SAMD3: variants seen among roughly 807,000 people sequenced by gnomAD.
The protein encoded by SAMD3 is sterile alpha motif domain containing 3, also known as sterile alpha motif domain-containing protein 3.
A neutral mutation model predicts 58.5 loss-of-function variants in SAMD3; 63 were observed. The observed-to-expected ratio is 1.08, with a 90% CI of 0.88 to 1.33. The LOEUF is 1.33. Among genes scored for constraint, SAMD3 ranks in the 40% most tolerant of loss-of-function variants. SAMD3 has a pLI of 0.00. For synonymous variants in SAMD3, 220 were observed against 210.3 expected, an observed-to-expected ratio of 1.05 and a Z score of -0.40; for missense variants, 604 against 608.4, an observed-to-expected ratio of 0.99 and a Z score of 0.08.
At chr6:130,331,731 A>G (rs1776941339) in intron 1 of SAMD3, among the ~76,000 whole-genome samples, 1 of 152,228 alleles carries the variant, frequency 6.6e-6, no homozygotes. Context: ...AAAAAATAAA[A>G]AAGTTCATAA....
At chr6:130,159,791 A>G (rs997887439) in intron 8 of SAMD3, 1 of 152,208 alleles carries the variant, frequency 6.6e-6, no homozygotes, top group Non-Finnish European at 1.5e-5. Flanking sequence ...GATTTTTACA[A>G]GTAAATTGAA....
chr6:130,341,917 C>A (rs1975952), intron 1 of SAMD3, among the ~76,000 whole-genome samples: 20,019 of 152,166 alleles, frequency 0.13, 1,696 homozygotes, highest in East Asian at 0.36. Context: ...ATAAAATATT[C>A]TTTTTATTCC....
At chr6:130,257,995 G>T (rs187399599) in intron 2 of SAMD3, among the ~76,000 whole-genome samples, 2 of 151,962 alleles carry the variant, frequency 1.3e-5, no homozygotes, top group African/African-American at 4.8e-5. Context: ...GTTTGTTCAT[G>T]TTCATACAAT....
upstream of SAMD3, among the ~76,000 whole-genome samples, chr6:130,224,767 T>C (rs1018335994): frequency 6.6e-6 from 1 of 151,904 alleles, no homozygotes; most frequent in African/African-American, 2.4e-5. Context: ...TACAGGCACG[T>C]GCCACCACGC....
At chr6:130,204,584 G>A (rs11154533) in intron 5 of SAMD3, among the ~76,000 whole-genome samples, 31,984 of 139,632 alleles carry the variant, frequency 0.23, 4,215 homozygotes, top group East Asian at 0.44. Context: ...GTGACAGAAC[G>A]AGACCCTATC....
chr6:130,351,258 G>T (rs947791171), intron 1 of SAMD3, among the ~76,000 whole-genome samples: 1 of 152,160 alleles, frequency 6.6e-6, no homozygotes. Flanking sequence ...CTTCTGCACA[G>T]CAAAAGAAAC....
intron 2 of SAMD3, among the ~76,000 whole-genome samples, chr6:130,301,434 G>A (rs1775744047): frequency 6.6e-6 from 1 of 152,032 alleles, no homozygotes; most frequent in African/African-American, 2.4e-5. Context: ...ATCACCGATG[G>A]CGCAAACAAA....
chr6:130,291,692 T>A (rs1775367250), intron 2 of SAMD3, among the ~76,000 whole-genome samples: 1 of 152,252 alleles, frequency 6.6e-6, no homozygotes, highest in Non-Finnish European at 1.5e-5. Context: ...ATCATGTGAT[T>A]TTTATCATTT....
At position 130,209,019 on chromosome 6, in the gene SAMD3, G is replaced by A. The variant is rs140934611; in HGVS notation, c.383+476C>T. On this transcript the variant is annotated intron_variant, in intron 5 of 11. Coordinates refer to ENST00000439090, the MANE Select transcript of SAMD3 (RefSeq NM_001017373.4). ...ATCCATATATTGAAATATACATTACGTAAAACCCAGTGTAGGAACATAGAG... is the reference window on the plus strand; with the variant it reads ...ATCCATATATTGAAATATACATTACATAAAACCCAGTGTAGGAACATAGAG... Among the ~76,000 whole-genome samples, 614 of 152,218 alleles carry A rather than the reference G, an allele frequency of 4.0e-3. 8 individuals are homozygous for A. Among genetic ancestry groups the A allele is most frequent in the African/African-American group, 0.013 (560 of 41,528 alleles).
At chr6:130,289,633 G>A (rs1241725323) in intron 2 of SAMD3, among the ~76,000 whole-genome samples, 1 of 152,132 alleles carries the variant, frequency 6.6e-6, no homozygotes, top group Non-Finnish European at 1.5e-5. Flanking sequence ...CTGAGTAGCT[G>A]GGATTAGGGG....
At chr6:130,352,444 A>G (rs2115037398) in intron 1 of SAMD3, among the ~76,000 whole-genome samples, 1 of 152,170 alleles carries the variant, frequency 6.6e-6, no homozygotes, top group Admixed American at 6.5e-5. Flanking sequence ...ACTATCAATA[A>G]AATATCACCC....
At chr6:130,196,153 GCTGACCATCATGT>G (rs1280476316) in intron 5 of SAMD3, among the ~76,000 whole-genome samples, 3 of 152,082 alleles carry the variant, frequency 2.0e-5, no homozygotes, top group African/African-American at 7.2e-5. Flanking sequence ...ACTGTTTTAG[GCTGACCATCATGT>G]CTCCGTGCAG....
In SAMD3 at chr6:130,168,340, CA is replaced by C. The variant is rs1460608792; in HGVS notation, c.822+7500del. On this transcript the variant is annotated intron_variant, in intron 8 of 11. Coordinates refer to ENST00000439090, the MANE Select transcript of SAMD3 (RefSeq NM_001017373.4). ...ATCCCAGCTACTCAGGAGGCTGAGG[CA>C]GGAGAATCGCTTGAATCCAGGAGGC... Among the ~76,000 whole-genome samples, 7 of 152,234 alleles carry C rather than the reference CA, an allele frequency of 4.6e-5. No homozygotes were observed. The East Asian group carries it at 1.4e-3, about 29-fold the overall frequency.
intron 2 of SAMD3, among the ~76,000 whole-genome samples, chr6:130,296,564 T>C (rs923506972): frequency 2.0e-5 from 3 of 152,168 alleles, no homozygotes; most frequent in African/African-American, 7.2e-5. Flanking sequence ...CCAGAGCACA[T>C]GCACTTGGAG....
At chr6:130,315,556 T>C (rs1776333985) in intron 1 of SAMD3, among the ~76,000 whole-genome samples, 1 of 152,182 alleles carries the variant, frequency 6.6e-6, no homozygotes, top group Admixed American at 6.5e-5. Flanking sequence ...CTATATGTAC[T>C]ACACGAATTT....
intron 2 of SAMD3, among the ~76,000 whole-genome samples, chr6:130,269,504 GTTGT>G (rs199923927): frequency 0.01 from 1,537 of 152,234 alleles, 26 homozygotes; most frequent in African/African-American, 0.033. Flanking sequence ...CGAACATAAA[GTTGT>G]TTGTAGTATT....
At chr6:130,186,984 A>C (rs1359967252) in intron 5 of SAMD3, among the ~76,000 whole-genome samples, 3 of 151,714 alleles carry the variant, frequency 2.0e-5, no homozygotes, top group Non-Finnish European at 4.4e-5. Context: ...GTTGGCCAGG[A>C]TGGTCTCAAT....
intron 8 of SAMD3, among the ~76,000 whole-genome samples, chr6:130,169,705 G>C (rs960409018): frequency 3.9e-5 from 6 of 152,196 alleles, no homozygotes; most frequent in African/African-American, 1.4e-4. Flanking sequence ...CACGAAGAGT[G>C]TAGTTCCATG....
chr6:130,335,946 T>A (rs1346528512), intron 1 of SAMD3, among the ~76,000 whole-genome samples: 1 of 151,864 alleles, frequency 6.6e-6, no homozygotes, highest in East Asian at 1.9e-4. Context: ...TTCTCACTCA[T>A]AGGTAGGAAC....
Sources: allele counts gnomAD v4.1 joint callset (sites outside exome capture counted in the v4.1 genomes callset), GRCh38; gene constraint gnomAD v4.1.1; transcripts MANE v1.5; gene names NCBI Gene and HGNC (gene_info 2026-07-23, HGNC 2026-07-21).